The following COL4A4 variants were observed in gnomAD, a reference collection of about 807,000 sequenced individuals.
The protein encoded by COL4A4 is collagen alpha-4(IV) chain.
Under a neutral mutation model 192.9 loss-of-function variants are expected in COL4A4, and 105 were observed. The observed-to-expected ratio is 0.54, with a 90% CI of 0.46 to 0.64. The LOEUF is 0.64. Ranked by LOEUF, COL4A4 falls within the 30% of genes least tolerant of loss-of-function variation. The pLI, the probability that COL4A4 is intolerant of heterozygous loss-of-function variation, is 0.00. For missense variants in COL4A4, 1,967 were observed against 2,169.3 expected, an observed-to-expected ratio of 0.91 and a Z score of 1.85; for synonymous variants, 762 against 769.9, an observed-to-expected ratio of 0.99 and a Z score of 0.17.
chr2:227,070,692 G>A (rs547283135), intron 25 of COL4A4, among the ~76,000 whole-genome samples: 2,130 of 133,028 alleles, frequency 0.016, 66 homozygotes, highest in African/African-American at 0.055. Flanking sequence ...ACACAGGAAG[G>A]GGAACATCAC....
intron 22 of COL4A4, among the ~76,000 whole-genome samples, chr2:227,085,478 C>A (rs2059552608): frequency 6.6e-6 from 1 of 152,166 alleles, no homozygotes; most frequent in Non-Finnish European, 1.5e-5. Context: ...AAAGAAATAC[C>A]TGAGGCCGGG....
At chr2:226,999,938 G>A (rs1413725383), downstream of COL4A4, among the ~76,000 whole-genome samples, 2 of 152,148 alleles carry the variant, frequency 1.3e-5, no homozygotes, top group Admixed American at 6.6e-5. Flanking sequence ...TTCCCCCTTA[G>A]ATAACTTGTT....
chr2:226,967,930 A>G, the COL4A4 span, among the ~76,000 whole-genome samples: 12 of 152,190 alleles, frequency 7.9e-5, no homozygotes, highest in South Asian at 4.1e-4. Context: ...GGTAGGTGAC[A>G]GTAATATTTC....
rs1413301141 is a variant in COL4A4, at chr2:227,045,965, A to G, written c.3289+1510T>C. 1.7e-3 allele frequency among the ~76,000 whole-genome samples: 75 copies of G among 44,744 alleles called. 2 individuals carry two copies. Among genetic ancestry groups the G allele is most frequent in the African/African-American group, 6.4e-3 (71 of 11,082 alleles). 29.4% of individuals were successfully genotyped at this position (44,744 alleles called of 152,430 possible). A position where few individuals can be genotyped will look rare whatever the true frequency, so the allele number is the denominator to read the frequency against. Reference sequence around the variant, plus strand: ...TATGTATATATGTATATATGTATATATTTATATGTGTATATGTATATATTT... The same window carrying G: ...TATGTATATATGTATATATGTATATGTTTATATGTGTATATGTATATATTT... On this transcript the variant is annotated intron_variant, in intron 35 of 47. Transcript: ENST00000396625.
chr2:226,989,335 GA>G, the COL4A4 span, among the ~76,000 whole-genome samples: 2 of 152,152 alleles, frequency 1.3e-5, no homozygotes, highest in African/African-American at 4.8e-5. Context: ...AAAAATAGGG[GA>G]AAAATCTATA....
intron 4 of COL4A4, among the ~76,000 whole-genome samples, chr2:227,121,904 C>T (rs1015272047): frequency 6.6e-5 from 10 of 152,098 alleles, no homozygotes; most frequent in African/African-American, 1.4e-4. Flanking sequence ...CCTTTATGTT[C>T]GTGACACAAA....
At chr2:226,970,481 G>A in the COL4A4 span, among the ~76,000 whole-genome samples, 1 of 152,134 alleles carries the variant, frequency 6.6e-6, no homozygotes, top group Non-Finnish European at 1.5e-5. Context: ...CCTGGTTTGT[G>A]TGTGAATTTG....
intron 1 of COL4A4, among the ~76,000 whole-genome samples, chr2:227,148,644 T>C (rs2063709869): frequency 6.6e-6 from 1 of 152,146 alleles, no homozygotes; most frequent in Non-Finnish European, 1.5e-5. Context: ...TTTATTGAGA[T>C]AAAATTTAAT....
intron 20 of COL4A4, among the ~76,000 whole-genome samples, chr2:227,090,756 TA>T (rs1333996040): frequency 2.8e-5 from 4 of 144,828 alleles, no homozygotes; most frequent in African/African-American, 1.0e-4. Flanking sequence ...CATCTCAAAA[TA>T]AATAAATAAG....
intron 4 of COL4A4, among the ~76,000 whole-genome samples, chr2:227,129,474 A>G (rs1372610942): frequency 4.0e-5 from 6 of 151,084 alleles, no homozygotes; most frequent in East Asian, 1.9e-4. Context: ...CAGTGGTGCA[A>G]TCTCAGCTCA....
At chr2:227,065,774 A>T (rs1001879655) in intron 25 of COL4A4, among the ~76,000 whole-genome samples, 1 of 152,228 alleles carries the variant, frequency 6.6e-6, no homozygotes, top group African/African-American at 2.4e-5. Flanking sequence ...AAAGATGGGG[A>T]AAAAACAGAG....
At chr2:227,135,924 G>T (rs1217449362) in intron 4 of COL4A4, among the ~76,000 whole-genome samples, 1 of 152,156 alleles carries the variant, frequency 6.6e-6, no homozygotes, top group South Asian at 2.1e-4. Context: ...GATTACAGGC[G>T]TGAACCACCA....
chr2:227,121,068 T>C lies in COL4A4; in HGVS notation c.273A>G (p.Lys91=). 8 of 1,614,190 alleles carry C rather than the reference T, an allele frequency of 5.0e-6. No individual in the cohort carries two copies. Among genetic ancestry groups the C allele is most frequent in the Non-Finnish European group, 6.8e-6 (8 of 1,180,034 alleles). Residue 91 remains lysine, a synonymous_variant, in exon 5 of 48, where the codon AAA becomes AAG. Coordinates refer to ENST00000396625, the MANE Select transcript of COL4A4 (RefSeq NM_000092.5). ...APGPIGLSGE[K]GMRGDRGPPG... Reference sequence around the variant, plus strand: ...GAGGGCCGCGGTCCCCTCTCATTCCTTTCTCTCCTGAAAGCCCAATGGGTC... The same window carrying C: ...GAGGGCCGCGGTCCCCTCTCATTCCCTTCTCTCCTGAAAGCCCAATGGGTC...
intron 12 of COL4A4, 66 bp from the exon 13 acceptor site, chr2:227,104,118 G>A: frequency 1.5e-6 from 2 of 1,348,458 alleles, no homozygotes; most frequent in Non-Finnish European, 2.1e-6. Flanking sequence ...TTTCACCCAT[G>A]TATTGTGGTA....
chr2:227,007,460 A>G lies in COL4A4; in HGVS notation c.4938T>C (p.Asn1646=), dbSNP rs1461681950. The G allele has an allele frequency of 6.2e-7, 1 of 1,614,172 alleles. No individual in the cohort carries two copies. The highest frequency in any genetic ancestry group is 1.7e-5 in the Admixed American group (1 of 60,018). ...CCGTTGTGAGCCAGAAGCTATACTT[A>G]TTTGCGAAAAAGTGGCAAGTTCCCT... The part of the protein sequence containing the change: ...GRQGTCHFFA[N]KYSFWLTTVK... The change falls in exon 48 of 48, where the codon AAT becomes AAC. Residue 1646 remains asparagine, a synonymous_variant. Coordinates refer to ENST00000396625, the MANE Select transcript of COL4A4 (RefSeq NM_000092.5).
chr2:227,139,405 G>T (rs892654758), intron 4 of COL4A4, among the ~76,000 whole-genome samples: 1 of 152,192 alleles, frequency 6.6e-6, no homozygotes, highest in East Asian at 1.9e-4. Context: ...AGAATTGTTT[G>T]ATCTAATACT....
chr2:226,996,592 C>T, the COL4A4 span: 130 of 152,248 alleles, frequency 8.5e-4, no homozygotes, highest in African/African-American at 3.0e-3. Flanking sequence ...AAAAGATCTT[C>T]CTTTTTTGAT....
At chr2:227,041,852 A>AGAGAGAGAGAGAGAG (rs1971334980) in intron 37 of COL4A4, among the ~76,000 whole-genome samples, 7 of 71,390 alleles carry the variant, frequency 9.8e-5, no homozygotes, top group Non-Finnish European at 1.4e-4. Context: ...AAGAAAGAGA[A>AGAGAGAGAGAGAGAG]AGAAAGAAAG....
chr2:226,992,013 C>A, the COL4A4 span, among the ~76,000 whole-genome samples: 1 of 152,226 alleles, frequency 6.6e-6, no homozygotes, highest in Non-Finnish European at 1.5e-5. Flanking sequence ...TGTCCAGATT[C>A]TTTCCTGTGT....
Sources: allele counts gnomAD v4.1 joint callset (sites outside exome capture counted in the v4.1 genomes callset), GRCh38; gene constraint gnomAD v4.1.1; transcripts MANE v1.5; gene names NCBI Gene and HGNC (gene_info 2026-07-23, HGNC 2026-07-21).